Variants in FASN observed in about 807,000 individuals in gnomAD.
FASN encodes the protein 3-hydroxyacyl-[acyl-carrier-protein] dehydratase.
Under a neutral mutation model 250.0 loss-of-function variants are expected in FASN, and 50 were observed. The observed-to-expected ratio is 0.20, with a 90% CI of 0.16 to 0.25. The LOEUF (loss-of-function observed/expected upper bound fraction) is 0.25. FASN is among the 10% of genes least tolerant of loss of function. The pLI is 1.00. For synonymous variants in FASN, 1,909 were observed against 1,584.0 expected (o/e 1.21, Z -4.87); for missense variants, 3,031 against 3,498.5 (o/e 0.87, Z 3.37).
chr17:82,087,928 G>A, intron 18 of FASN, 26 bp downstream of exon 18: 3 of 1,612,354 alleles, frequency 1.9e-6, no homozygotes, highest in Non-Finnish European at 2.5e-6. Context: ...AGCCTCCGCA[G>A]CTCCCGTGCC....
chr17:82,096,456 C>T lies in FASN; in HGVS notation c.-7-4G>A. ...CACCACCTCCTCCATGGCTGCTCTG[C>T]AGGGCGGGCGGTGTGAGTGCCCCAC... On this transcript the variant is annotated splice_polypyrimidine_tract_variant and splice_region_variant and intron_variant, in intron 1 of 42. Transcript: ENST00000306749. 1 of 1,610,808 alleles carries T rather than the reference C, an allele frequency of 6.2e-7. No homozygotes were observed. Among genetic ancestry groups the T allele is most frequent in the Admixed American group, 1.7e-5 (1 of 60,036 alleles).
At position 82,095,505 on chromosome 17, in the gene FASN, G is replaced by A. The variant is rs369264615; in HGVS notation, c.128-33C>T. On this transcript the variant is annotated intron_variant, in intron 2 of 42. Transcript: ENST00000306749. The stretch of plus-strand genomic sequence containing the variant: ...ACAGGCGGGTGTTTAAATCTCTGAC[G>A]GAAGCTGCCCAGAGGTGGGGGCCCT... The A allele has an allele frequency of 1.0e-3, 1,689 of 1,608,854 alleles. 25 individuals are homozygous for A. In the South Asian group the frequency reaches 0.016, roughly 15 times the overall value.
intron 22 of FASN, 131 bp downstream of exon 22, chr17:82,086,123 C>T (rs1271004556): frequency 2.6e-5 from 38 of 1,473,904 alleles, no homozygotes; most frequent in Non-Finnish European, 5.5e-6. Flanking sequence ...TGCACAGAAC[C>T]ACACAGGGAA....
chr17:82,082,273 C>G lies in FASN; in HGVS notation c.6011+50G>C, dbSNP rs1420937916. The G allele has an allele frequency of 6.2e-6, 10 of 1,607,950 alleles. No homozygotes were observed. The African/African-American group carries it at 8.0e-5, about 13-fold the overall frequency. Reference sequence around the variant, plus strand: ...AACAAACCACCTTGGCTCCCACGGCCCTGAGCCCAGAGCCCGGCAGAGGCG... The same window carrying G: ...AACAAACCACCTTGGCTCCCACGGCGCTGAGCCCAGAGCCCGGCAGAGGCG... On this transcript the variant is annotated intron_variant, in intron 35 of 42. Coordinates refer to ENST00000306749, the MANE Select transcript of FASN (RefSeq NM_004104.5).
chr17:82,081,222 C>T lies in FASN; in HGVS notation c.6537G>A (p.Val2179=). The change falls in exon 38 of 43, where the codon GTG becomes GTA. Residue 2179 remains valine, a synonymous_variant. Coordinates refer to ENST00000306749, the MANE Select transcript of FASN (RefSeq NM_004104.5). The stretch of plus-strand genomic sequence containing the variant: ...GCAGTTTCCGGAGCGTGAGTTGCCG[C>T]ACCTCGCGCACGGACAGCACCAGGT... ...ELNLVLSVRE[V]RQLTLRKLQE... The T allele has an allele frequency of 6.3e-7, 1 of 1,591,998 alleles. No homozygotes were observed.
Position 82,080,788 on chromosome 17 carries a change from G to C in FASN, c.6730C>G (p.Leu2244Val), listed in dbSNP as rs767758358. The C allele has an allele frequency of 1.2e-5, 20 of 1,605,660 alleles. No homozygotes were observed. Among genetic ancestry groups the C allele is most frequent in the Non-Finnish European group, 1.5e-5 (18 of 1,177,340 alleles). ...LNSVQSSERPLFLVHPIEGST... is the reference protein window; with the variant it reads ...LNSVQSSERPVFLVHPIEGST... ...CCCTCGATTGGGTGCACCAGGAACA[G>C]GGGCCGCTCCGAGCTCTGCACGGAG... Residue 2244 changes from leucine (L) to valine (V), a missense_variant, in exon 39 of 43, where the codon CTG becomes GTG. Physicochemically the swap from Leu to Val is conservative, Grantham distance 32 (BLOSUM62 1). Coordinates refer to ENST00000306749, the MANE Select transcript of FASN (RefSeq NM_004104.5).
chr17:82,089,829 G>A lies in FASN; in HGVS notation c.1871-103C>T, dbSNP rs570186017. The A allele has an allele frequency of 1.2e-3, 1,215 of 1,016,876 alleles. 3 individuals are homozygous for A. The highest frequency in any genetic ancestry group is 1.5e-3 in the Non-Finnish European group (967 of 666,478). The allele number at this position is 1,016,876 out of a possible 1,614,324, so 63.0% of individuals were successfully genotyped here. A position where few individuals can be genotyped will look rare whatever the true frequency, so the allele number is the denominator to read the frequency against. ...GCAGCTGGGGGCAGTAATGACAAGT[G>A]TGGTAATGGCAGCCTTGGAGCCTTC... On this transcript the variant is annotated intron_variant, in intron 11 of 42. Coordinates refer to ENST00000306749, the MANE Select transcript of FASN (RefSeq NM_004104.5).
rs779123463 is a variant in FASN at position 82,087,081 on chromosome 17, A to G, written c.3396T>C (p.Ala1132=). ...HTEEGCLSER[A]ALQEELQLCK... ...ACAGTTGCAGCTCCTCCTGCAGGGCAGCGCGCTCAGACAGGCACCCCTCCT... is the reference window on the plus strand; with the variant it reads ...ACAGTTGCAGCTCCTCCTGCAGGGCGGCGCGCTCAGACAGGCACCCCTCCT... Residue 1132 remains alanine (A), a synonymous_variant, in exon 21 of 43, where the codon GCT becomes GCC. Transcript: ENST00000306749. 6 of 1,611,472 alleles carry G rather than the reference A, an allele frequency of 3.7e-6. No individual in the cohort carries two copies. In the Admixed American group the frequency reaches 8.3e-5, roughly 22 times the overall value.
intron 37 of FASN, 51 bp downstream of exon 37, chr17:82,081,550 C>G (rs749582932): frequency 4.4e-6 from 7 of 1,607,278 alleles, no homozygotes; most frequent in South Asian, 1.1e-5. Flanking sequence ...TCCCAAGACC[C>G]TGATGCCAGC....
In FASN at chr17:82,091,485, G is replaced by A. The variant is rs370340494; in HGVS notation, c.1229C>T (p.Pro410Leu). The change falls in exon 9 of 43, where the codon CCG becomes CTG. Residue 410 changes from proline to leucine, a missense_variant. Pro to Leu is a moderately conservative substitution (Grantham distance 98). Transcript: ENST00000306749. The part of the protein sequence containing the change: ...VHIILRPNTQ[P>L]PPAPAPHATL... ...GGCATGTGGGGCGGGTGCGGGGGGC[G>A]GCTGCGTGTTGGGCCTCAGGATGAT... is the stretch of plus-strand genomic sequence containing the variant. 5.4e-5 allele frequency: 86 copies of A among 1,604,668 alleles called. No homozygotes were observed. The highest frequency in any genetic ancestry group is 1.6e-4 in the Middle Eastern group (1 of 6,064).
rs561222309 is a variant in FASN at position 82,089,548 on chromosome 17, C to T, written c.1965+84G>A. 1.4e-4 allele frequency: 210 copies of T among 1,543,040 alleles called. No homozygotes were observed. In the African/African-American group the frequency reaches 2.3e-3, roughly 17 times the overall value. ...CCAGGCCCGTCAGAGCTTGGTGGGG[C>T]GTAGACCGTGGCCGCGTGTCCCTGC... On this transcript the variant is annotated intron_variant, in intron 12 of 42. Transcript: ENST00000306749.
chr17:82,086,377 G>C lies in FASN; in HGVS notation c.3609C>G (p.Ala1203=), dbSNP rs750145844. Residue 1203 remains alanine, a synonymous_variant, in exon 22 of 43, where the codon GCC becomes GCG. Transcript: ENST00000306749. ...NLQLELAQVL[A]QERPKLPEDP... ...CCTCTGGCAGCTTGGGCCTCTCCTGGGCCAGCACCTGCGCCAGCTCCAGCT... is the reference window on the plus strand; with the variant it reads ...CCTCTGGCAGCTTGGGCCTCTCCTGCGCCAGCACCTGCGCCAGCTCCAGCT... The C allele has an allele frequency of 6.2e-7, 1 of 1,609,548 alleles. No homozygotes were observed. The highest frequency in any genetic ancestry group is 1.1e-5 in the South Asian group (1 of 90,994).
chr17:82,082,548 G>A lies in FASN; in HGVS notation c.5898C>T (p.Gly1966=), dbSNP rs763862356. The A allele has an allele frequency of 9.3e-6, 15 of 1,608,290 alleles. No individual in the cohort carries two copies. Among genetic ancestry groups the A allele is most frequent in the Admixed American group, 1.7e-5 (1 of 59,976 alleles). ...TCACCACGGCCAGGTTGAAGACGCC[G>A]CCCACGGGCCCAAGCTGCGCCGCCT... ...IAEAAQLGPV[G]GVFNLAVVLR... The change falls in exon 34 of 43, where the codon GGC becomes GGT. Residue 1966 remains glycine, a synonymous_variant. Transcript: ENST00000306749.
chr17:82,082,955 A>G lies in FASN; in HGVS notation c.5726T>C (p.Val1909Ala). The G allele has an allele frequency of 6.2e-7, 1 of 1,612,700 alleles. No individual in the cohort carries two copies. The highest frequency in any genetic ancestry group is 8.5e-7 in the Non-Finnish European group (1 of 1,179,964). ...ELAQWLIQRG[V>A]QKLVLTSRSG... ...GCGAGAAGTCAACACGAGCTTCTGC[A>G]CCCCACGCTGTATCAGCCACTGCGC... The change falls in exon 33 of 43, where the codon GTG becomes GCG. Residue 1909 changes from valine (V) to alanine (A), a missense_variant. Physicochemically the swap from Val to Ala is moderately conservative, Grantham distance 64 (BLOSUM62 0). Coordinates refer to ENST00000306749, the MANE Select transcript of FASN (RefSeq NM_004104.5).
chr17:82,089,511 C>A (rs1817976406), intron 12 of FASN, 121 bp downstream of exon 12: 2 of 1,564,896 alleles, frequency 1.3e-6, no homozygotes, highest in Non-Finnish European at 1.7e-6. Context: ...GAGGACAAAC[C>A]TGCCCCATGC....
intron 4 of FASN, 79 bp from the exon 5 acceptor site, chr17:82,093,498 G>A: frequency 6.3e-7 from 1 of 1,589,370 alleles, no homozygotes; most frequent in Non-Finnish European, 8.6e-7. Context: ...CACCAGGCTG[G>A]ACACACACTG....
rs1444963884 is a variant in FASN, at chr17:82,090,969, G to A, written c.1593C>T (p.Gly531=). Residue 531 remains glycine (G), a synonymous_variant, in exon 10 of 43, where the codon GGC becomes GGT. Transcript: ENST00000306749. ...TCAGCAGCAGCTGTGACACCTTCAG[G>A]CCGAATGGCTTCACAGCCTCATCGG... is the stretch of plus-strand genomic sequence containing the variant. The part of the protein sequence containing the change: ...LRSDEAVKPF[G]LKVSQLLLST... The A allele has an allele frequency of 3.7e-6, 6 of 1,612,802 alleles. No individual in the cohort carries two copies. Among genetic ancestry groups the A allele is most frequent in the East Asian group, 2.2e-5 (1 of 44,900 alleles).
intron 2 of FASN, among the ~76,000 whole-genome samples, chr17:82,096,005 G>C (rs1016885782): frequency 6.6e-6 from 1 of 152,234 alleles, no homozygotes; most frequent in Non-Finnish European, 1.5e-5. Context: ...TGGCTCCTCC[G>C]TAACAAGCAG....
rs138286707 is a variant in FASN at position 82,088,258 on chromosome 17, G to A, written c.2643C>T (p.Asp881=). Residue 881 remains aspartate (D), a synonymous_variant, in exon 17 of 43, where the codon GAC becomes GAT. Coordinates refer to ENST00000306749, the MANE Select transcript of FASN (RefSeq NM_004104.5). ...CAGTGGCGGGGAAGAGGACGCGACC[G>A]TCGAGGGTGTGGTCCACCAGGTAGT... ...PDHYLVDHTL[D]GRVLFPATGY... 2.8e-4 allele frequency: 442 copies of A among 1,606,540 alleles called. No homozygotes were observed. Among genetic ancestry groups the A allele is most frequent in the Admixed American group, 3.7e-4 (22 of 60,008 alleles).
Sources: gnomAD v4.1 joint callset for allele counts (sites outside exome capture counted in the v4.1 genomes callset) on GRCh38, gnomAD v4.1.1 for gene constraint, MANE v1.5 for transcripts, NCBI Gene and HGNC (gene_info 2026-07-23, HGNC 2026-07-21) for gene names.